The following SHOC2 variants were observed in gnomAD, a reference collection of about 807,000 sequenced individuals.
The protein encoded by SHOC2 is leucine-rich repeat protein SHOC-2.
A neutral mutation model predicts 50.2 loss-of-function variants in SHOC2; 4 were observed. The ratio of observed to expected loss-of-function variants is 0.08; its 90% CI spans 0.04 to 0.18. The LOEUF (loss-of-function observed/expected upper bound fraction) is 0.18, where lower values mean the gene tolerates loss of function less well. SHOC2 is among the 10% of genes least tolerant of loss of function. The pLI is 1.00. For synonymous variants in SHOC2, 218 were observed against 244.5 expected (o/e 0.89, Z 1.01); for missense variants, 388 against 669.6 (o/e 0.58, Z 4.64).
chr10:110,948,920 A>G (rs1201124337), intron 1 of SHOC2, among the ~76,000 whole-genome samples: 3 of 152,300 alleles, frequency 2.0e-5, no homozygotes, highest in African/African-American at 7.2e-5. Flanking sequence ...TTCTTAAAAC[A>G]TTATGAGAGA....
chr10:110,945,189 C>T (rs149135769), intron 1 of SHOC2, among the ~76,000 whole-genome samples: 40 of 152,250 alleles, frequency 2.6e-4, no homozygotes, highest in African/African-American at 7.7e-4. Flanking sequence ...ATGAATATCT[C>T]CCTGGGGAAA....
At chr10:110,982,654 C>T (rs1435947793) in intron 2 of SHOC2, among the ~76,000 whole-genome samples, 1 of 151,816 alleles carries the variant, frequency 6.6e-6, no homozygotes, top group Non-Finnish European at 1.5e-5. Flanking sequence ...TAAATGTCTT[C>T]TTTTGAGAAG....
chr10:110,931,228 A>T (rs928184415), intron 1 of SHOC2, among the ~76,000 whole-genome samples: 2 of 152,186 alleles, frequency 1.3e-5, no homozygotes, highest in Non-Finnish European at 2.9e-5. Flanking sequence ...GACTCTTGAC[A>T]TAATTCTAGT....
At chr10:110,947,330 G>A (rs1255304301) in intron 1 of SHOC2, among the ~76,000 whole-genome samples, 2 of 152,204 alleles carry the variant, frequency 1.3e-5, no homozygotes, top group Non-Finnish European at 2.9e-5. Context: ...GAGAAGTCAG[G>A]CAGCAAGCCT....
chr10:110,985,725 C>T lies in SHOC2; in HGVS notation c.801C>T (p.Asp267=), dbSNP rs1332283706. Residue 267 remains aspartate, a synonymous_variant, in exon 3 of 9, where the codon GAC becomes GAT. Transcript: ENST00000369452. Reference sequence around the variant, plus strand: ...ACTGTACACAGATAACCAACCTTGACTTGCAGCACAATGAACTGCTAGACC... The same window carrying T: ...ACTGTACACAGATAACCAACCTTGATTTGCAGCACAATGAACTGCTAGACC... ...IGNCTQITNL[D]LQHNELLDLP... The T allele has an allele frequency of 9.9e-6, 16 of 1,612,942 alleles. No individual in the cohort carries two copies. The highest frequency in any genetic ancestry group is 1.4e-5 in the Non-Finnish European group (16 of 1,179,574).
chr10:110,994,337 G>A (rs1054589386), intron 3 of SHOC2, among the ~76,000 whole-genome samples: 7 of 152,088 alleles, frequency 4.6e-5, no homozygotes, highest in Non-Finnish European at 8.8e-5. Context: ...TGAGTAAATG[G>A]GGGCTATTCT....
Position 111,011,663 on chromosome 10 carries a change from A to G in SHOC2, c.1594A>G (p.Ser532Gly), listed in dbSNP as rs145463534. The G allele has an allele frequency of 6.9e-4, 1,118 of 1,614,080 alleles. 6 individuals carry two copies. In the African/African-American group the frequency reaches 0.013, roughly 19 times the overall value. Residue 532 changes from serine (S) to glycine (G), a missense_variant, in exon 9 of 9, where the codon AGC becomes GGC. By Grantham distance (56) the Ser-to-Gly change is moderately conservative (BLOSUM62 0). Coordinates refer to ENST00000369452, the MANE Select transcript of SHOC2 (RefSeq NM_007373.4). ...TTTGAATGACAACCCCAACCTGCAT[A>G]GCCTTCCCTTTGAGCTGGCACTCTG... ...LYLNDNPNLH[S>G]LPFELALCSK...
In SHOC2 at chr10:110,936,591, T is replaced by C. The variant is rs894793184; in HGVS notation, c.-235+16934T>C. On this transcript the variant is annotated intron_variant, in intron 1 of 8. Coordinates refer to ENST00000369452, the MANE Select transcript of SHOC2 (RefSeq NM_007373.4). Reference sequence around the variant, plus strand: ...AAAGGGCATGTCCTTTTCTTTTCCTTTTTTTTTTTTTTTAACAGTCTTTAT... The same window carrying C: ...AAAGGGCATGTCCTTTTCTTTTCCTCTTTTTTTTTTTTTAACAGTCTTTAT... 1.1e-5 allele frequency: 5 copies of C among 458,730 alleles called. No homozygotes were observed. In the African/African-American group the frequency reaches 1.3e-4, roughly 12 times the overall value. The allele number at this position is 458,730 out of a possible 1,614,324, so 28.4% of individuals were successfully genotyped here.
At chr10:110,920,365 C>G (rs1214030092) in intron 1 of SHOC2, among the ~76,000 whole-genome samples, 1 of 152,258 alleles carries the variant, frequency 6.6e-6, no homozygotes, top group South Asian at 2.1e-4. Context: ...TCTCACTCTT[C>G]CCCGACTTCC....
At chr10:110,941,956 C>T (rs1401558066) in intron 1 of SHOC2, among the ~76,000 whole-genome samples, 2 of 152,122 alleles carry the variant, frequency 1.3e-5, no homozygotes, top group African/African-American at 2.4e-5. Context: ...TTTATATACA[C>T]TGTGAAATTT....
At chr10:110,924,674 T>C (rs919659377) in intron 1 of SHOC2, among the ~76,000 whole-genome samples, 1 of 152,118 alleles carries the variant, frequency 6.6e-6, no homozygotes, top group African/African-American at 2.4e-5. Flanking sequence ...AAGGGAAAAA[T>C]TTTCACCTAT....
chr10:110,929,689 C>T (rs1053665752), intron 1 of SHOC2, among the ~76,000 whole-genome samples: 2 of 152,220 alleles, frequency 1.3e-5, no homozygotes, highest in Admixed American at 6.5e-5. Context: ...CTGGTCTCCT[C>T]TTACAAGGGC....
Position 110,949,905 on chromosome 10 carries a change from A to G in SHOC2, c.-234-14220A>G, listed in dbSNP as rs560125930. ...CTTTGTGATAAAAACTCAACAAATT[A>G]GGGATAGAAGGTACGTATCTCAACA... On this transcript the variant is annotated intron_variant, in intron 1 of 8. Coordinates refer to ENST00000369452, the MANE Select transcript of SHOC2 (RefSeq NM_007373.4). 6.6e-5 allele frequency among the ~76,000 whole-genome samples: 10 copies of G among 152,324 alleles called. No individual in the cohort carries two copies. The South Asian group carries it at 1.9e-3, about 28-fold the overall frequency.
intron 2 of SHOC2, among the ~76,000 whole-genome samples, chr10:110,965,980 T>C (rs1377542740): frequency 6.6e-6 from 1 of 152,140 alleles, no homozygotes; most frequent in Non-Finnish European, 1.5e-5. Context: ...TGTTTTCTTT[T>C]TGTATTAAAG....
At chr10:110,977,454 AG>A (rs1201674916) in intron 2 of SHOC2, among the ~76,000 whole-genome samples, 2 of 152,182 alleles carry the variant, frequency 1.3e-5, no homozygotes, top group Non-Finnish European at 2.9e-5. Flanking sequence ...CATGTTGGTC[AG>A]GCTGGTCTCA....
At chr10:110,936,897 C>T (rs574863093) in intron 1 of SHOC2, 7 of 1,381,760 alleles carry the variant, frequency 5.1e-6, no homozygotes, top group Admixed American at 1.7e-5. Context: ...TTTTTCTTGT[C>T]GTAAGGCGGT....
intron 2 of SHOC2, among the ~76,000 whole-genome samples, chr10:110,966,533 A>C (rs1847678104): frequency 6.6e-6 from 1 of 152,130 alleles, no homozygotes; most frequent in Non-Finnish European, 1.5e-5. Context: ...TGTATGTGTT[A>C]CACTCAGTCC....
chr10:110,986,640 A>T (rs1352754826), intron 3 of SHOC2, among the ~76,000 whole-genome samples: 1 of 151,616 alleles, frequency 6.6e-6, no homozygotes, highest in Non-Finnish European at 1.5e-5. Context: ...CGCCTGGCTA[A>T]TTTTTTTCTA....
At chr10:110,942,145 T>C (rs1014925083) in intron 1 of SHOC2, among the ~76,000 whole-genome samples, 8 of 93,412 alleles carry the variant, frequency 8.6e-5, no homozygotes, top group Non-Finnish European at 1.9e-4. Flanking sequence ...GCTCTTTGAG[T>C]TACGCAGATT....
Sources: gnomAD v4.1 joint callset for allele counts (sites outside exome capture counted in the v4.1 genomes callset) on GRCh38, gnomAD v4.1.1 for gene constraint, MANE v1.5 for transcripts, NCBI Gene and HGNC (gene_info 2026-07-23, HGNC 2026-07-21) for gene names.